DNAH3: variants seen among roughly 807,000 people sequenced by gnomAD.
The protein encoded by DNAH3 is dynein axonemal heavy chain 3.
A neutral mutation model predicts 432.5 loss-of-function variants in DNAH3; 332 were observed. The observed-to-expected ratio is 0.77, with a 90% CI of 0.70 to 0.84. DNAH3 has a LOEUF of 0.84. DNAH3 is among the 40% of genes least tolerant of loss of function. The probability of loss-of-function intolerance (pLI) is 0.00; values close to 1 mark genes in which losing one functional copy is unlikely to be tolerated. For synonymous variants in DNAH3, 1,956 were observed against 1,900.2 expected, an observed-to-expected ratio of 1.03 and a Z score of -0.76; for missense variants, 4,861 against 5,114.0, an observed-to-expected ratio of 0.95 and a Z score of 1.51.
intron 41 of DNAH3, among the ~76,000 whole-genome samples, chr16:21,017,305 G>C (rs1384276022): frequency 2.6e-5 from 4 of 151,994 alleles, no homozygotes; most frequent in Non-Finnish European, 5.9e-5. Context: ...GCATATCTTG[G>C]GCCCCCAAAA....
At chr16:21,035,092 C>T (rs573745246) in intron 35 of DNAH3, among the ~76,000 whole-genome samples, 2 of 152,196 alleles carry the variant, frequency 1.3e-5, no homozygotes, top group South Asian at 4.2e-4. Flanking sequence ...TTTGGGAGGT[C>T]AAGGTGGGGG....
Position 21,139,320 on chromosome 16 carries a change from C to CTTTTTTTTTTTTTTTTTTTTT in DNAH3, c.696+1195_696+1215dup, listed in dbSNP as rs9302391. 6.1e-4 allele frequency among the ~76,000 whole-genome samples: 18 copies of CTTTTTTTTTTTTTTTTTTTTT among 29,630 alleles called. 5 individuals carry two copies. Among genetic ancestry groups the CTTTTTTTTTTTTTTTTTTTTT allele is most frequent in the Admixed American group, 1.3e-3 (2 of 1,574 alleles). 19.4% of individuals were successfully genotyped at this position (29,630 alleles called of 152,430 possible). ...AATGTAGCTTGAGACTTTCCTCATG[C>CTTTTTTTTTTTTTTTTTTTTT]TTTTTTTTTTTTTTTTTTTTTTTTT... On this transcript the variant is annotated intron_variant, in intron 5 of 61. Coordinates refer to ENST00000261383, the Ensembl canonical transcript of DNAH3.
chr16:21,087,015 C>T, exon 19 of DNAH3: 2 of 1,614,164 alleles, frequency 1.2e-6, no homozygotes, highest in Non-Finnish European at 1.7e-6. Flanking sequence ...CCACATATTC[C>T]CTATCTCCTC....
chr16:21,026,931 G>A, intron 38 of DNAH3, 96 bp downstream of exon 38: 1 of 807,720 alleles, frequency 1.2e-6, no homozygotes, highest in Non-Finnish European at 2.1e-6. Context: ...GATCTGCGAG[G>A]GCTTCATCAC....
intron 24 of DNAH3, 135 bp from the exon 25 acceptor site, chr16:21,062,818 CTCTTT>C: frequency 3.0e-6 from 2 of 661,426 alleles, no homozygotes; most frequent in South Asian, 2.0e-5. Context: ...AAGGCCCACT[CTCTTT>C]TATCACTTTT....
intron 1 of DNAH3, among the ~76,000 whole-genome samples, chr16:21,153,724 G>A (rs529313998): frequency 1.3e-5 from 2 of 152,122 alleles, no homozygotes; most frequent in East Asian, 3.9e-4. Flanking sequence ...GCATCAGAAG[G>A]AACAAACTCC....
intron 20 of DNAH3, among the ~76,000 whole-genome samples, chr16:21,080,896 G>A (rs959025198): frequency 3.3e-5 from 5 of 152,090 alleles, no homozygotes; most frequent in African/African-American, 1.2e-4. Context: ...AGGGAAGAAA[G>A]CAAGAGAAAA....
chr16:21,090,238 C>T (rs997276355), intron 18 of DNAH3, among the ~76,000 whole-genome samples: 3 of 151,904 alleles, frequency 2.0e-5, no homozygotes, highest in Non-Finnish European at 4.4e-5. Flanking sequence ...CTGGAAAATT[C>T]TGCCAAACAT....
At chr16:21,021,937 C>A (rs775169557) in intron 40 of DNAH3, 34 bp downstream of exon 40, 7 of 1,611,204 alleles carry the variant, frequency 4.3e-6, no homozygotes, top group Non-Finnish European at 5.9e-6. Flanking sequence ...AGACCCACCC[C>A]CCATGTGGCT....
chr16:21,118,971 G>A (rs1452736626), intron 11 of DNAH3, among the ~76,000 whole-genome samples: 1 of 152,138 alleles, frequency 6.6e-6, no homozygotes, highest in Non-Finnish European at 1.5e-5. Context: ...TGGGTTATAT[G>A]CCTTTGATGG....
At chr16:21,008,669 T>C (rs1241185893) in intron 41 of DNAH3, among the ~76,000 whole-genome samples, 1 of 151,984 alleles carries the variant, frequency 6.6e-6, no homozygotes, top group Non-Finnish European at 1.5e-5. Flanking sequence ...TGCCCAGCCA[T>C]CATCATGGTC....
chr16:21,145,335 T>C, exon 3 of DNAH3: 2 of 1,614,164 alleles, frequency 1.2e-6, no homozygotes, highest in Non-Finnish European at 1.7e-6. Context: ...GATGCTGTTC[T>C]TTGAAGGGTG....
At chr16:21,060,235 C>T in intron 26 of DNAH3, 29 bp downstream of exon 26, 1 of 1,566,584 alleles carries the variant, frequency 6.4e-7, no homozygotes, top group Non-Finnish European at 8.8e-7. Context: ...CACTAGTGTC[C>T]TGGCATGTGT....
chr16:21,103,354 T>A (rs1057181597), intron 16 of DNAH3, among the ~76,000 whole-genome samples: 1 of 67,612 alleles, frequency 1.5e-5, no homozygotes, highest in Non-Finnish European at 2.9e-5. Context: ...GGTGTGTGTG[T>A]GGGGGGGGGC....
At chr16:20,936,568 G>T in intron 60 of DNAH3, 81 bp downstream of exon 60, 3 of 1,285,400 alleles carry the variant, frequency 2.3e-6, no homozygotes, top group Non-Finnish European at 3.3e-6. Flanking sequence ...TCCTCCCCCT[G>T]CCTCTAGTCT....
intron 1 of DNAH3, chr16:21,159,187 T>G: frequency 2.3e-6 from 2 of 880,862 alleles, no homozygotes; most frequent in South Asian, 2.7e-5. Context: ...CGAGGTCCCC[T>G]TCCCCATCGC....
exon 50 of DNAH3, chr16:20,979,351 T>A: frequency 6.2e-7 from 1 of 1,613,972 alleles, no homozygotes; most frequent in Non-Finnish European, 8.5e-7. Flanking sequence ...CAAAGTCGAG[T>A]TTCTGCAAGC....
intron 42 of DNAH3, among the ~76,000 whole-genome samples, chr16:21,001,483 A>G (rs1824350022): frequency 2.6e-5 from 4 of 152,154 alleles, no homozygotes; most frequent in Admixed American, 2.6e-4. Flanking sequence ...CCGTGATGCA[A>G]ATAGCGCCAC....
intron 36 of DNAH3, among the ~76,000 whole-genome samples, chr16:21,032,651 A>G (rs1264745586): frequency 2.0e-5 from 3 of 152,028 alleles, no homozygotes; most frequent in Admixed American, 1.3e-4. Flanking sequence ...CATCTCTACA[A>G]AAAATACAAA....
Sources: gnomAD v4.1 joint callset for allele counts (sites outside exome capture counted in the v4.1 genomes callset) on GRCh38, gnomAD v4.1.1 for gene constraint, MANE v1.5 for transcripts, NCBI Gene and HGNC (gene_info 2026-07-23, HGNC 2026-07-21) for gene names.